ALPK2: variants seen among roughly 807,000 people sequenced by gnomAD.
The protein encoded by ALPK2 is alpha kinase 2, also known as alpha-protein kinase 2.
ALPK2 carries 127 observed loss-of-function variants against 163.1 expected under a neutral mutation model. That is an observed-to-expected ratio of 0.78 (90% CI 0.67 to 0.90). The LOEUF (loss-of-function observed/expected upper bound fraction) is 0.90, where lower values mean the gene tolerates loss of function less well. Among genes scored for constraint, ALPK2 ranks in the 40% least tolerant of loss-of-function variants. The probability of loss-of-function intolerance (pLI) is 0.00; values close to 1 mark genes in which losing one functional copy is unlikely to be tolerated. For synonymous variants in ALPK2, 953 were observed against 959.1 expected (o/e 0.99, Z 0.12); for missense variants, 2,360 against 2,589.6 (o/e 0.91, Z 1.92).
At chr18:58,609,665 G>A (rs914606645) in intron 2 of ALPK2, among the ~76,000 whole-genome samples, 10 of 152,196 alleles carry the variant, frequency 6.6e-5, no homozygotes, top group Non-Finnish European at 1.0e-4. Flanking sequence ...GCATAGGGAA[G>A]TGGTATCTGG....
chr18:58,484,661 T>C (rs183118001), intron 12 of ALPK2, among the ~76,000 whole-genome samples: 15 of 152,206 alleles, frequency 9.9e-5, no homozygotes, highest in African/African-American at 3.6e-4. Flanking sequence ...GGAGAATCAT[T>C]TGAATCCAGG....
chr18:58,565,593 T>A (rs1184566540), intron 4 of ALPK2, among the ~76,000 whole-genome samples: 1 of 152,252 alleles, frequency 6.6e-6, no homozygotes, highest in African/African-American at 2.4e-5. Context: ...TTGATTTTTA[T>A]ATACCCTGGA....
Position 58,579,722 on chromosome 18 carries a change from C to G in ALPK2, c.1054G>C (p.Glu352Gln). 6.2e-7 allele frequency: 1 copy of G among 1,614,186 alleles called. No homozygotes were observed. The highest frequency in any genetic ancestry group is 8.5e-7 in the Non-Finnish European group (1 of 1,180,038). ...AVWQRNLLGT[E>Q]HVFLLESDDE... ...TCGCTTTCTAATAAAAAAACATGCTCAGTCCCCAGCAGGTTCCTTTGCCAA... is the reference window on the plus strand; with the variant it reads ...TCGCTTTCTAATAAAAAAACATGCTGAGTCCCCAGCAGGTTCCTTTGCCAA... Residue 352 changes from glutamate to glutamine, a missense_variant, in exon 4 of 13, where the codon GAG (glutamate) becomes CAG (glutamine). Physicochemically the swap from Glu to Gln is conservative, Grantham distance 29 (BLOSUM62 2). Coordinates refer to ENST00000361673, the MANE Select transcript of ALPK2 (RefSeq NM_052947.4).
intron 5 of ALPK2, among the ~76,000 whole-genome samples, chr18:58,532,476 C>G (rs977972671): frequency 1.3e-5 from 2 of 152,198 alleles, no homozygotes; most frequent in African/African-American, 2.4e-5. Flanking sequence ...GAACCTCCCC[C>G]TCCTGCTCCG....
At chr18:58,497,732 G>A (rs560040779) in intron 12 of ALPK2, among the ~76,000 whole-genome samples, 12 of 152,146 alleles carry the variant, frequency 7.9e-5, no homozygotes, top group East Asian at 1.9e-4. Flanking sequence ...GTAAAAGAAC[G>A]GAATATTCCC....
chr18:58,505,829 C>T (rs1235702941), intron 10 of ALPK2, among the ~76,000 whole-genome samples: 2 of 152,172 alleles, frequency 1.3e-5, no homozygotes, highest in African/African-American at 2.4e-5. Context: ...CTTCTCGGCC[C>T]CCACCCCCTT....
chr18:58,551,249 G>T (rs1286393233), intron 4 of ALPK2, among the ~76,000 whole-genome samples: 1 of 152,154 alleles, frequency 6.6e-6, no homozygotes, highest in Non-Finnish European at 1.5e-5. Context: ...CAGTTCTGGA[G>T]GCCAGAAGTG....
chr18:58,612,853 T>C (rs951912783), intron 1 of ALPK2, among the ~76,000 whole-genome samples: 6 of 152,222 alleles, frequency 3.9e-5, no homozygotes, highest in Non-Finnish European at 7.3e-5. Context: ...CGTCCACTTC[T>C]TCACAATGGC....
Position 58,595,443 on chromosome 18 carries a change from C to T in ALPK2, c.227+11879G>A, listed in dbSNP as rs147996629. On this transcript the variant is annotated intron_variant, in intron 3 of 12. Coordinates refer to ENST00000361673, the MANE Select transcript of ALPK2 (RefSeq NM_052947.4). ...CCTTTTTGAATTATATTCCAGGATA[C>T]ATCTTAATAGATTTTGTTTGGGAGG... Among the ~76,000 whole-genome samples the T allele has an allele frequency of 2.3e-3, 357 of 152,266 alleles. 1 individual carries two copies. The highest frequency in any genetic ancestry group is 8.2e-3 in the African/African-American group (342 of 41,534).
chr18:58,607,529 A>G (rs1229439250), intron 2 of ALPK2, 90 bp from the exon 3 acceptor site: 4 of 749,908 alleles, frequency 5.3e-6, no homozygotes, highest in African/African-American at 5.3e-5. Context: ...AAGGATGGAC[A>G]GTAAGCAACA....
intron 6 of ALPK2, among the ~76,000 whole-genome samples, chr18:58,525,474 G>A (rs192682932): frequency 1.0e-3 from 159 of 152,274 alleles, no homozygotes; most frequent in African/African-American, 3.7e-3. Context: ...GAAGGGCTGG[G>A]GGCTGAACTA....
Position 58,521,383 on chromosome 18 carries a change from T to C in ALPK2, c.5665+2423A>G, listed in dbSNP as rs1294049871. On this transcript the variant is annotated intron_variant, in intron 8 of 12. Transcript: ENST00000361673. ...GAAGCTGATGAAACAGAGACTCCCT[T>C]CTGAGAGTCTTCTTATTTTCTGAAG... 7.2e-5 allele frequency among the ~76,000 whole-genome samples: 11 copies of C among 152,286 alleles called. No homozygotes were observed. In the East Asian group the frequency reaches 2.1e-3, roughly 29 times the overall value.
rs577596399 is a variant in ALPK2 at position 58,536,877 on chromosome 18, C to T, written c.3310G>A (p.Asp1104Asn). 1.2e-6 allele frequency: 2 copies of T among 1,614,192 alleles called. No homozygotes were observed. The highest frequency in any genetic ancestry group is 2.2e-5 in the East Asian group (1 of 44,886). The change falls in exon 5 of 13, where the codon GAT becomes AAT. Residue 1104 changes from aspartate (D) to asparagine (N), a missense_variant. Transcript: ENST00000361673. The stretch of plus-strand genomic sequence containing the variant: ...TGGCTCTTATCTCCAGACAGGTTAT[C>T]AACCTGAAGAGGGGAATTACTGCAG... The part of the protein sequence containing the change: ...GFCSNSPLQV[D>N]NLSGDKSQTV...
chr18:58,540,338 A>G (rs534465834), intron 4 of ALPK2, among the ~76,000 whole-genome samples: 10 of 152,332 alleles, frequency 6.6e-5, no homozygotes, highest in Admixed American at 3.9e-4. Context: ...AACCCTAAGC[A>G]CTACTGGTTA....
intron 4 of ALPK2, 57 bp downstream of exon 4, chr18:58,578,757 C>CACACACACAT: frequency 6.7e-7 from 1 of 1,496,360 alleles, no homozygotes; most frequent in Non-Finnish European, 9.1e-7. Context: ...CACACACACA[C>CACACACACAT]ACACACACAC....
At chr18:58,523,363 C>T (rs2051565627) in intron 8 of ALPK2, among the ~76,000 whole-genome samples, 1 of 151,986 alleles carries the variant, frequency 6.6e-6, no homozygotes, top group Non-Finnish European at 1.5e-5. Flanking sequence ...TGAATAGTGC[C>T]TCAATAAACA....
chr18:58,586,793 A>G (rs769582538), intron 3 of ALPK2, among the ~76,000 whole-genome samples: 1 of 152,096 alleles, frequency 6.6e-6, no homozygotes, highest in Non-Finnish European at 1.5e-5. Context: ...GTTTAACACC[A>G]TGGCTGCTTG....
chr18:58,501,398 T>C (rs1394365021), intron 11 of ALPK2, among the ~76,000 whole-genome samples: 1 of 152,224 alleles, frequency 6.6e-6, no homozygotes, highest in Non-Finnish European at 1.5e-5. Context: ...ATGTTTTGTG[T>C]GTGTGTGGCA....
Position 58,481,583 on chromosome 18 carries a change from T to G in ALPK2, c.*240A>C. On this transcript the variant is annotated 3_prime_UTR_variant, in exon 13 of 13. Transcript: ENST00000361673. ...CTAAACATGTATATAAAGAATGGAC[T>G]GTCTTTGAGACCAATCGTTGATTCA... 1 of 545,358 alleles carries G rather than the reference T, an allele frequency of 1.8e-6. No individual in the cohort carries two copies. Among genetic ancestry groups the G allele is most frequent in the Non-Finnish European group, 3.3e-6 (1 of 303,538 alleles). The allele number at this position is 545,358 out of a possible 1,614,324, so 33.8% of individuals were successfully genotyped here.
Sources: gnomAD v4.1 joint callset for allele counts (sites outside exome capture counted in the v4.1 genomes callset) on GRCh38, gnomAD v4.1.1 for gene constraint, MANE v1.5 for transcripts, NCBI Gene and HGNC (gene_info 2026-07-23, HGNC 2026-07-21) for gene names.